Variants in CNTNAP2 observed in about 807,000 individuals in gnomAD.
CNTNAP2 encodes the protein contactin associated protein 2.
A neutral mutation model predicts 155.2 loss-of-function variants in CNTNAP2; 98 were observed. That is an observed-to-expected ratio of 0.63 (90% confidence interval 0.54 to 0.75). The LOEUF is 0.75. Ranked by LOEUF, CNTNAP2 falls within the 30% of genes least tolerant of loss-of-function variation. CNTNAP2 has a pLI of 0.00. For missense variants in CNTNAP2, 1,727 were observed against 1,688.1 expected, an observed-to-expected ratio of 1.02 and a Z score of -0.40; for synonymous variants, 651 against 631.2, an observed-to-expected ratio of 1.03 and a Z score of -0.47.
At chr7:146,310,762 C>T (rs568412736) in intron 1 of CNTNAP2, among the ~76,000 whole-genome samples, 3 of 152,100 alleles carry the variant, frequency 2.0e-5, no homozygotes, top group Non-Finnish European at 2.9e-5. Flanking sequence ...TCCATTCATC[C>T]ATTTATCCAT....
intron 1 of CNTNAP2, among the ~76,000 whole-genome samples, chr7:146,599,764 A>AGATAGATG (rs1427933925): frequency 1.3e-5 from 2 of 151,698 alleles, no homozygotes; most frequent in Non-Finnish European, 2.9e-5. Flanking sequence ...ATAGATAGAT[A>AGATAGATG]GATAGATAGA....
chr7:147,642,505 C>T (rs550871491), intron 13 of CNTNAP2, among the ~76,000 whole-genome samples: 4 of 152,114 alleles, frequency 2.6e-5, no homozygotes, highest in South Asian at 4.1e-4. Flanking sequence ...CCTCGGCCAC[C>T]GTGAAGCCTC....
At chr7:147,084,888 A>G (rs10253145) in intron 4 of CNTNAP2, among the ~76,000 whole-genome samples, 1 of 150,080 alleles carries the variant, frequency 6.7e-6, no homozygotes, top group Admixed American at 6.7e-5. Flanking sequence ...TATATGTAGC[A>G]TGAGGTTGTG....
intron 1 of CNTNAP2, among the ~76,000 whole-genome samples, chr7:146,251,576 A>T (rs1799757771): frequency 6.6e-6 from 1 of 152,236 alleles, no homozygotes; most frequent in African/African-American, 2.4e-5. Flanking sequence ...TTTATAGTCA[A>T]GGACCTCATA....
chr7:146,468,881 A>G (rs1321625065), intron 1 of CNTNAP2, among the ~76,000 whole-genome samples: 1 of 152,198 alleles, frequency 6.6e-6, no homozygotes, highest in Admixed American at 6.5e-5. Context: ...ATTAAATGTT[A>G]GTCTCTAGAA....
At chr7:147,540,390 C>A (rs1200737477) in intron 11 of CNTNAP2, among the ~76,000 whole-genome samples, 3 of 152,268 alleles carry the variant, frequency 2.0e-5, no homozygotes, top group Non-Finnish European at 4.4e-5. Context: ...CACCTCTAAC[C>A]CAGAGGTCAC....
At chr7:147,092,882 CT>C (rs1260203436) in intron 4 of CNTNAP2, among the ~76,000 whole-genome samples, 1 of 152,098 alleles carries the variant, frequency 6.6e-6, no homozygotes, top group Non-Finnish European at 1.5e-5. Context: ...TTTGTATGTT[CT>C]ACTTGTAAGT....
At chr7:147,318,311 G>A (rs533067667) in intron 9 of CNTNAP2, among the ~76,000 whole-genome samples, 52 of 152,110 alleles carry the variant, frequency 3.4e-4, no homozygotes, top group Admixed American at 1.3e-3. Flanking sequence ...GCATGGGTAC[G>A]CGCACCTGAA....
intron 1 of CNTNAP2, among the ~76,000 whole-genome samples, chr7:146,245,538 C>T (rs1799632881): frequency 6.6e-6 from 1 of 152,076 alleles, no homozygotes; most frequent in South Asian, 2.1e-4. Context: ...CTACAGGGTG[C>T]AGTCCTGGCT....
At chr7:146,971,696 AG>A (rs2129233727) in intron 3 of CNTNAP2, among the ~76,000 whole-genome samples, 1 of 152,100 alleles carries the variant, frequency 6.6e-6, no homozygotes, top group African/African-American at 2.4e-5. Flanking sequence ...AGAAGTGGAG[AG>A]GGGTCACTCT....
intron 2 of CNTNAP2, among the ~76,000 whole-genome samples, chr7:146,779,330 T>A (rs968214884): frequency 6.6e-6 from 1 of 152,206 alleles, no homozygotes; most frequent in African/African-American, 2.4e-5. Flanking sequence ...AAATAATACA[T>A]ATAGAAACCC....
At chr7:146,238,672 A>G (rs933438445) in intron 1 of CNTNAP2, among the ~76,000 whole-genome samples, 9 of 152,202 alleles carry the variant, frequency 5.9e-5, no homozygotes, top group Non-Finnish European at 1.2e-4. Context: ...GTAGTAGTCC[A>G]GTCTCACTCT....
intron 3 of CNTNAP2, among the ~76,000 whole-genome samples, chr7:146,944,644 C>T (rs1357477293): frequency 1.3e-5 from 2 of 151,986 alleles, no homozygotes; most frequent in African/African-American, 4.8e-5. Context: ...TTTGGGAGGC[C>T]AAGGTGGGCG....
intron 14 of CNTNAP2, among the ~76,000 whole-genome samples, chr7:147,920,355 C>CAA (rs35672069): frequency 0.29 from 25,024 of 86,136 alleles, 4,196 homozygotes; most frequent in East Asian, 0.51. Flanking sequence ...GACTCCGTCT[C>CAA]AAAAAAAAAA....
chr7:147,821,392 A>G (rs189089867), intron 13 of CNTNAP2, among the ~76,000 whole-genome samples: 1 of 152,292 alleles, frequency 6.6e-6, no homozygotes, highest in East Asian at 1.9e-4. Context: ...TTATGTATCA[A>G]GCAATGGTAA....
intron 1 of CNTNAP2, among the ~76,000 whole-genome samples, chr7:146,410,368 A>G (rs968506541): frequency 1.3e-5 from 2 of 152,188 alleles, no homozygotes; most frequent in African/African-American, 4.8e-5. Flanking sequence ...AATATTTACT[A>G]TCTTGCTATT....
At chr7:147,498,661 A>G (rs1798755048) in intron 11 of CNTNAP2, among the ~76,000 whole-genome samples, 1 of 152,248 alleles carries the variant, frequency 6.6e-6, no homozygotes, top group Non-Finnish European at 1.5e-5. Flanking sequence ...CTTTATACAT[A>G]TAGATGAGAT....
chr7:148,115,133 T>A (rs556962140), intron 15 of CNTNAP2, among the ~76,000 whole-genome samples: 1 of 152,340 alleles, frequency 6.6e-6, no homozygotes, highest in East Asian at 1.9e-4. Flanking sequence ...CAAATTAGAT[T>A]GAAGTTGCTT....
chr7:147,346,097 A>G (rs559350981), intron 9 of CNTNAP2, among the ~76,000 whole-genome samples: 12 of 152,024 alleles, frequency 7.9e-5, no homozygotes, highest in African/African-American at 2.9e-4. Flanking sequence ...AGTGTTCCAG[A>G]CTTATTTTTG....
Sources: gnomAD v4.1 joint callset for allele counts (sites outside exome capture counted in the v4.1 genomes callset) on GRCh38, gnomAD v4.1.1 for gene constraint, MANE v1.5 for transcripts, NCBI Gene and HGNC (gene_info 2026-07-23, HGNC 2026-07-21) for gene names.